MRTFB: variants seen among roughly 807,000 people sequenced by gnomAD.
MRTFB encodes the protein myocardin related transcription factor B.
Under a neutral mutation model 104.2 loss-of-function variants are expected in MRTFB, and 29 were observed. That is an observed-to-expected ratio of 0.28 (90% CI 0.21 to 0.38). The LOEUF is 0.38. MRTFB is among the 10% of genes least tolerant of loss of function. The pLI is 1.00. For missense variants in MRTFB, 1,270 were observed against 1,341.6 expected, an observed-to-expected ratio of 0.95 and a Z score of 0.83; for synonymous variants, 535 against 519.5, an observed-to-expected ratio of 1.03 and a Z score of -0.41.
At chr16:14,155,805 G>C (rs1216926184) in intron 3 of MRTFB, among the ~76,000 whole-genome samples, 2 of 152,130 alleles carry the variant, frequency 1.3e-5, no homozygotes. Flanking sequence ...ATAGTCCCTG[G>C]TCATTTCTTG....
At chr16:14,223,993 G>T (rs1283081249) in intron 8 of MRTFB, among the ~76,000 whole-genome samples, 1 of 152,208 alleles carries the variant, frequency 6.6e-6, no homozygotes. Flanking sequence ...AGTTCCACGG[G>T]CTGTACAGGA....
chr16:14,226,777 C>A lies in MRTFB; in HGVS notation c.694-7369C>A, dbSNP rs1244517989. 3.9e-5 allele frequency among the ~76,000 whole-genome samples: 6 copies of A among 151,956 alleles called. No homozygotes were observed. In the East Asian group the frequency reaches 9.6e-4, roughly 24 times the overall value. On this transcript the variant is annotated intron_variant, in intron 8 of 16. Coordinates refer to ENST00000571589, the MANE Select transcript of MRTFB (RefSeq NM_001308142.2). ...ATCCCTTGAGGCCAGGAGTTGAAGACCAACCTGGACAACATAGTGAGACCT... is the reference window on the plus strand; with the variant it reads ...ATCCCTTGAGGCCAGGAGTTGAAGAACAACCTGGACAACATAGTGAGACCT...
chr16:14,026,128 A>T, the MRTFB span, among the ~76,000 whole-genome samples: 58 of 152,358 alleles, frequency 3.8e-4, no homozygotes, highest in East Asian at 0.011. Context: ...ATATGATTAC[A>T]AAATTTACAC....
intron 6 of MRTFB, 62 bp downstream of exon 6, chr16:14,213,682 A>G: frequency 2.4e-6 from 3 of 1,236,526 alleles, no homozygotes; most frequent in Non-Finnish European, 3.4e-6. Context: ...GAGAATTTCC[A>G]CCATTTCTGT....
chr16:14,192,470 A>T (rs1200857764), intron 3 of MRTFB, among the ~76,000 whole-genome samples: 4 of 152,216 alleles, frequency 2.6e-5, no homozygotes, highest in African/African-American at 4.8e-5. Flanking sequence ...CAGTATTTTT[A>T]AAAGGTGCAT....
At chr16:14,031,499 C>T in the MRTFB span, among the ~76,000 whole-genome samples, 94 of 152,060 alleles carry the variant, frequency 6.2e-4, 2 homozygotes, top group Non-Finnish European at 2.4e-4. Context: ...ACTAGCACAT[C>T]AGATCCATGA....
the MRTFB span, among the ~76,000 whole-genome samples, chr16:14,023,606 C>CATACATATACATATACATATACATAT: frequency 2.5e-5 from 1 of 39,594 alleles, no homozygotes; most frequent in African/African-American, 1.0e-4. Context: ...CACACACACA[C>CATACATATACATATACATATACATAT]ACACATACAT....
intron 3 of MRTFB, among the ~76,000 whole-genome samples, chr16:14,185,045 C>T (rs988871018): frequency 6.6e-6 from 1 of 152,154 alleles, no homozygotes; most frequent in Non-Finnish European, 1.5e-5. Flanking sequence ...TTTTATTACT[C>T]CTTTAAAAGT....
intron 3 of MRTFB, among the ~76,000 whole-genome samples, chr16:14,181,322 AT>A (rs1001128203): frequency 3.3e-5 from 5 of 152,160 alleles, no homozygotes; most frequent in African/African-American, 1.2e-4. Context: ...TCAAATATGT[AT>A]TTTACTAAAA....
chr16:14,180,587 A>C (rs1430439349), intron 3 of MRTFB, among the ~76,000 whole-genome samples: 2 of 152,170 alleles, frequency 1.3e-5, no homozygotes, highest in Non-Finnish European at 2.9e-5. Context: ...TAGTCAGAAC[A>C]CTTGTGTTGC....
At chr16:14,068,339 G>A (rs938843262), upstream of MRTFB, among the ~76,000 whole-genome samples, 2 of 152,128 alleles carry the variant, frequency 1.3e-5, no homozygotes, top group Admixed American at 1.3e-4. Context: ...ATGTTCTTAT[G>A]TTAGATGAGA....
chr16:14,262,338 A>C lies in MRTFB; in HGVS notation c.*894A>C, dbSNP rs2043807606. 1 of 152,244 alleles carries C rather than the reference A, an allele frequency of 6.6e-6. No individual in the cohort carries two copies. The highest frequency in any genetic ancestry group is 2.4e-5 in the African/African-American group (1 of 41,462). 9.4% of individuals were successfully genotyped at this position (152,244 alleles called of 1,614,324 possible). ...AATATTTCTAGAGTACTTGAGCCAC[A>C]TGTATTTCTGTATTTAAAGAATTGC... On this transcript the variant is annotated 3_prime_UTR_variant, in exon 17 of 17. Coordinates refer to ENST00000571589, the MANE Select transcript of MRTFB (RefSeq NM_001308142.2).
chr16:14,246,959 G>C lies in MRTFB; in HGVS notation c.1699G>C (p.Ala567Pro). ...SSTLSNLELD[A>P]AEKDRKLQEK... is the part of the protein sequence containing the mutation. Reference sequence around the variant, plus strand: ...CACTCTGTCAAACCTGGAACTGGATGCAGCCGAAAAGGATCGCAAGCTTCA... The same window carrying C: ...CACTCTGTCAAACCTGGAACTGGATCCAGCCGAAAAGGATCGCAAGCTTCA... The change falls in exon 12 of 17, where the codon GCA (alanine) becomes CCA (proline). Residue 567 changes from alanine to proline, a missense_variant. This residue lies in a region of MRTFB where 1,144 missense variants were observed against 1,131.5 expected (regional missense o/e 1.01). Coordinates refer to ENST00000571589, the MANE Select transcript of MRTFB (RefSeq NM_001308142.2). 6.2e-7 allele frequency: 1 copy of C among 1,614,108 alleles called. No individual in the cohort carries two copies. The highest frequency in any genetic ancestry group is 1.1e-5 in the South Asian group (1 of 91,080).
At chr16:14,164,165 G>C (rs563754873) in intron 3 of MRTFB, among the ~76,000 whole-genome samples, 2 of 152,086 alleles carry the variant, frequency 1.3e-5, no homozygotes, top group Non-Finnish European at 2.9e-5. Context: ...CTGTCTACCT[G>C]TATGTTTACA....
intron 3 of MRTFB, among the ~76,000 whole-genome samples, chr16:14,162,781 A>G (rs1406886385): frequency 6.6e-6 from 1 of 152,178 alleles, no homozygotes; most frequent in Non-Finnish European, 1.5e-5. Flanking sequence ...GGATGTGGAA[A>G]ATGTTTGGTT....
chr16:14,113,967 T>G (rs1404988824), intron 2 of MRTFB, among the ~76,000 whole-genome samples: 1 of 152,156 alleles, frequency 6.6e-6, no homozygotes, highest in Non-Finnish European at 1.5e-5. Context: ...ATGCTAGTTT[T>G]TAAAAGTCTG....
At chr16:14,234,064 G>A in intron 8 of MRTFB, 82 bp from the exon 9 acceptor site, 1 of 1,539,804 alleles carries the variant, frequency 6.5e-7, no homozygotes, top group Non-Finnish European at 8.8e-7. Context: ...TTAAAAACCA[G>A]GTCATTCCCT....
At chr16:14,221,872 C>T (rs1201725017) in intron 8 of MRTFB, among the ~76,000 whole-genome samples, 1 of 150,950 alleles carries the variant, frequency 6.6e-6, no homozygotes, top group African/African-American at 2.4e-5. Flanking sequence ...ACCTCTGCCT[C>T]CCGGGTTCAA....
In MRTFB at chr16:14,247,183, G is replaced by A. The variant is rs367677117; in HGVS notation, c.1923G>A (p.Glu641=). 1.2e-5 allele frequency: 19 copies of A among 1,614,012 alleles called. No individual in the cohort carries two copies. The African/African-American group carries it at 2.1e-4, about 18-fold the overall frequency. The change falls in exon 12 of 17, where the codon GAG becomes GAA. Residue 641 remains glutamate, a synonymous_variant. Transcript: ENST00000571589. ...GCCTTGGCTCCTCCATCAAAGATGA[G>A]GCCTCACTCCCTGACTGCTCCAGCT... is the stretch of plus-strand genomic sequence containing the variant. ...HGSLGSSIKD[E]ASLPDCSSSR...
Sources: gnomAD v4.1 joint callset for allele counts (sites outside exome capture counted in the v4.1 genomes callset) on GRCh38, gnomAD v4.1.1 for gene constraint, gnomAD v4.1.1 regional missense constraint, MANE v1.5 for transcripts, NCBI Gene and HGNC (gene_info 2026-07-23, HGNC 2026-07-21) for gene names.